ADCY2: variants seen among roughly 807,000 people sequenced by gnomAD.
The protein encoded by ADCY2 is adenylate cyclase type 2.
Under a neutral mutation model 125.2 loss-of-function variants are expected in ADCY2, and 31 were observed. The observed-to-expected ratio is 0.25, with a 90% CI of 0.19 to 0.33. The LOEUF is 0.33. Among genes scored for constraint, ADCY2 ranks in the 10% least tolerant of loss-of-function variants. The pLI is 1.00. For missense variants in ADCY2, 904 were observed against 1,418.2 expected (o/e 0.64, Z 5.82); for synonymous variants, 512 against 548.4 (o/e 0.93, Z 0.93).
At chr5:7,624,805 G>A (rs147570988) in intron 3 of ADCY2, among the ~76,000 whole-genome samples, 36 of 152,158 alleles carry the variant, frequency 2.4e-4, no homozygotes, top group Middle Eastern at 6.8e-3. Flanking sequence ...TAGGATATTC[G>A]GAACTGATGC....
At chr5:7,522,783 G>A (rs1363167555) in intron 3 of ADCY2, among the ~76,000 whole-genome samples, 18 of 140,200 alleles carry the variant, frequency 1.3e-4, no homozygotes, top group African/African-American at 2.2e-4. Context: ...AAAATTAGCC[G>A]GGCGTGGTGG....
At chr5:7,750,929 T>G (rs1194617802) in intron 15 of ADCY2, among the ~76,000 whole-genome samples, 2 of 152,204 alleles carry the variant, frequency 1.3e-5, no homozygotes, top group Non-Finnish European at 2.9e-5. Flanking sequence ...GTGTTTTGTC[T>G]CTTCCCTGGT....
chr5:7,484,882 C>G (rs1293472003), intron 2 of ADCY2, among the ~76,000 whole-genome samples: 1 of 152,192 alleles, frequency 6.6e-6, no homozygotes, highest in South Asian at 2.1e-4. Context: ...TTCCCATAAA[C>G]TGCCATCCCA....
intron 1 of ADCY2, among the ~76,000 whole-genome samples, chr5:7,411,638 C>A (rs1739720926): frequency 6.6e-6 from 1 of 152,148 alleles, no homozygotes; most frequent in African/African-American, 2.4e-5. Context: ...TGACAAATCA[C>A]ATCTCGGGGA....
intron 22 of ADCY2, among the ~76,000 whole-genome samples, chr5:7,807,557 G>C (rs181123461): frequency 7.2e-4 from 109 of 152,234 alleles, no homozygotes; most frequent in African/African-American, 2.5e-3. Context: ...TGCTCCCTCT[G>C]TGTGGGACAT....
At chr5:7,675,278 A>G (rs1404834012) in intron 4 of ADCY2, among the ~76,000 whole-genome samples, 1 of 152,208 alleles carries the variant, frequency 6.6e-6, no homozygotes, top group Non-Finnish European at 1.5e-5. Context: ...ACCCGTATTC[A>G]TATCTTTATG....
intron 2 of ADCY2, among the ~76,000 whole-genome samples, chr5:7,475,989 C>T (rs1742511083): frequency 6.6e-6 from 1 of 152,108 alleles, no homozygotes; most frequent in African/African-American, 2.4e-5. Flanking sequence ...TTGAAGTTCA[C>T]CATAGTTTTT....
chr5:7,572,316 A>G (rs1736092402), intron 3 of ADCY2, among the ~76,000 whole-genome samples: 1 of 151,716 alleles, frequency 6.6e-6, no homozygotes, highest in Admixed American at 6.6e-5. Flanking sequence ...AGCATCTGTT[A>G]CTCTTTTGAC....
intron 4 of ADCY2, among the ~76,000 whole-genome samples, chr5:7,648,975 T>C (rs1370479351): frequency 6.6e-6 from 1 of 152,234 alleles, no homozygotes. Flanking sequence ...ACATCAGTTC[T>C]TCGGCTAAGA....
At chr5:7,495,220 C>A (rs567838597) in intron 2 of ADCY2, among the ~76,000 whole-genome samples, 1 of 152,308 alleles carries the variant, frequency 6.6e-6, no homozygotes, top group East Asian at 1.9e-4. Flanking sequence ...CTGCATCTGA[C>A]TTCACTCCTG....
At chr5:7,507,602 A>G (rs1743888631) in intron 2 of ADCY2, among the ~76,000 whole-genome samples, 2 of 152,190 alleles carry the variant, frequency 1.3e-5, no homozygotes, top group African/African-American at 4.8e-5. Flanking sequence ...GCACTTTCTG[A>G]TAAACATTGC....
At chr5:7,816,380 T>C (rs1745111385) in intron 22 of ADCY2, among the ~76,000 whole-genome samples, 1 of 152,180 alleles carries the variant, frequency 6.6e-6, no homozygotes, top group Non-Finnish European at 1.5e-5. Flanking sequence ...CCAAGCCTCC[T>C]CCCTGCTCTC....
At chr5:7,633,985 A>G (rs528265987) in intron 4 of ADCY2, among the ~76,000 whole-genome samples, 8 of 152,352 alleles carry the variant, frequency 5.3e-5, no homozygotes, top group African/African-American at 1.9e-4. Context: ...CAATTCTAAA[A>G]TGAGCCCTTT....
chr5:7,724,467 CA>C, intron 12 of ADCY2, 77 bp from the exon 13 acceptor site: 6 of 1,098,382 alleles, frequency 5.5e-6, no homozygotes, highest in Non-Finnish European at 8.3e-6. Context: ...AAGAAGATCG[CA>C]AGTCATTTTA....
intron 2 of ADCY2, among the ~76,000 whole-genome samples, chr5:7,471,125 A>T (rs1186588953): frequency 6.6e-6 from 1 of 151,758 alleles, no homozygotes; most frequent in Non-Finnish European, 1.5e-5. Context: ...AAATTTTTTA[A>T]CTTTTACCCT....
chr5:7,470,418 T>G (rs1742290919), intron 2 of ADCY2, among the ~76,000 whole-genome samples: 1 of 151,228 alleles, frequency 6.6e-6, no homozygotes, highest in African/African-American at 2.4e-5. Context: ...CCTTTTTTCA[T>G]AGATGGCTTT....
At chr5:7,666,404 G>A (rs1739727509) in intron 4 of ADCY2, among the ~76,000 whole-genome samples, 3 of 151,768 alleles carry the variant, frequency 2.0e-5, no homozygotes, top group Non-Finnish European at 4.4e-5. Flanking sequence ...GAGTAGCTGG[G>A]ACTACAGGCG....
chr5:7,507,483 A>G (rs1743883290), intron 2 of ADCY2, among the ~76,000 whole-genome samples: 1 of 151,492 alleles, frequency 6.6e-6, no homozygotes, highest in African/African-American at 2.4e-5. Flanking sequence ...CACTTTTGTA[A>G]AAACCTAGGG....
At chr5:7,776,193 T>TAAA (rs11332766) in intron 18 of ADCY2, among the ~76,000 whole-genome samples, 12 of 91,538 alleles carry the variant, frequency 1.3e-4, no homozygotes, top group East Asian at 3.6e-4. Flanking sequence ...GTGAGATCCT[T>TAAA]AAAAAAAAAA....
Sources: gnomAD v4.1 joint callset for allele counts (sites outside exome capture counted in the v4.1 genomes callset) on GRCh38, gnomAD v4.1.1 for gene constraint, MANE v1.5 for transcripts, NCBI Gene and HGNC (gene_info 2026-07-23, HGNC 2026-07-21) for gene names.